RASGRF2: variants seen among roughly 807,000 people sequenced by gnomAD.
The protein encoded by RASGRF2 is Ras protein specific guanine nucleotide releasing factor 2.
RASGRF2 carries 76 observed loss-of-function variants against 151.0 expected under a neutral mutation model. That is an observed-to-expected ratio of 0.50 (90% CI 0.42 to 0.61). The LOEUF is 0.61. Among genes scored for constraint, RASGRF2 ranks in the 20% least tolerant of loss-of-function variants. The probability of loss-of-function intolerance (pLI) is 0.00; values close to 1 mark genes in which losing one functional copy is unlikely to be tolerated. For synonymous variants in RASGRF2, 504 were observed against 566.5 expected (o/e 0.89, Z 1.57); for missense variants, 1,148 against 1,564.6 (o/e 0.73, Z 4.49).
intron 7 of RASGRF2, among the ~76,000 whole-genome samples, chr5:81,082,946 T>C (rs1752127133): frequency 2.0e-5 from 3 of 152,238 alleles, no homozygotes; most frequent in African/African-American, 4.8e-5. Flanking sequence ...AAGGGCCTTA[T>C]GCTCGTTGGT....
In RASGRF2 at chr5:81,207,300, G is replaced by A; in HGVS notation, c.3022G>A (p.Glu1008Lys). 2 of 1,614,144 alleles carry A rather than the reference G, an allele frequency of 1.2e-6. No homozygotes were observed. Among genetic ancestry groups the A allele is most frequent in the South Asian group, 2.2e-5 (2 of 91,084 alleles). The change falls in exon 21 of 27, where the codon GAA becomes AAA. Residue 1008 changes from glutamate to lysine, a missense_variant. By Grantham distance (56) the Glu-to-Lys change is moderately conservative. Coordinates refer to ENST00000265080, the MANE Select transcript of RASGRF2 (RefSeq NM_006909.3). ...GTCCTTGTCGGCCATGGAGCTGGCA[G>A]AACAGATCACCCTCCTGGACCATGT... ...FESLSAMELAEQITLLDHVIF... is the reference protein window; with the variant it reads ...FESLSAMELAKQITLLDHVIF...
Position 81,229,322 on chromosome 5 carries a change from GCA to G in RASGRF2, c.*3555_*3556del, listed in dbSNP as rs1205470462. On this transcript the variant is annotated 3_prime_UTR_variant, in exon 27 of 27. Coordinates refer to ENST00000265080, the MANE Select transcript of RASGRF2 (RefSeq NM_006909.3). ...CTGAAGGGTATAGCCAGGCTAATGT[GCA>G]CAGAGGGAATCAATAAATAAAACTC... 1 of 152,168 alleles carries G rather than the reference GCA, an allele frequency of 6.6e-6. No homozygotes were observed. Among genetic ancestry groups the G allele is most frequent in the Non-Finnish European group, 1.5e-5 (1 of 68,020 alleles). 9.4% of individuals were successfully genotyped at this position (152,168 alleles called of 1,614,324 possible).
At chr5:81,009,155 G>A (rs1340473744) in intron 1 of RASGRF2, among the ~76,000 whole-genome samples, 2 of 152,198 alleles carry the variant, frequency 1.3e-5, no homozygotes, top group Non-Finnish European at 2.9e-5. Flanking sequence ...TCTGTAAAAG[G>A]GGAATAAATT....
intron 2 of RASGRF2, among the ~76,000 whole-genome samples, chr5:81,057,976 A>G (rs1751281864): frequency 6.6e-6 from 1 of 152,128 alleles, no homozygotes; most frequent in Non-Finnish European, 1.5e-5. Flanking sequence ...AGCCTGGGCA[A>G]CAGAAGAAGA....
intron 1 of RASGRF2, among the ~76,000 whole-genome samples, chr5:81,022,420 C>A (rs897244275): frequency 1.3e-5 from 2 of 152,146 alleles, no homozygotes; most frequent in South Asian, 2.1e-4. Context: ...AGGATGTGGT[C>A]CCCACCTCTA....
At chr5:81,018,106 CAA>C (rs70994413) in intron 1 of RASGRF2, among the ~76,000 whole-genome samples, 1 of 136,530 alleles carries the variant, frequency 7.3e-6, no homozygotes. Context: ...GAGACTGTCT[CAA>C]AAAAAAAAGA....
At chr5:80,974,361 A>G (rs937504463) in intron 1 of RASGRF2, among the ~76,000 whole-genome samples, 2 of 152,250 alleles carry the variant, frequency 1.3e-5, no homozygotes, top group Non-Finnish European at 2.9e-5. Flanking sequence ...GTCTGCAAGA[A>G]CATCTATCTG....
chr5:81,054,198 C>T (rs1751120613), intron 2 of RASGRF2, among the ~76,000 whole-genome samples: 1 of 152,188 alleles, frequency 6.6e-6, no homozygotes, highest in South Asian at 2.1e-4. Flanking sequence ...GAAGTCGTTG[C>T]CCGTGCCTGT....
At chr5:81,100,349 A>G (rs948058700) in intron 12 of RASGRF2, among the ~76,000 whole-genome samples, 15 of 152,144 alleles carry the variant, frequency 9.9e-5, no homozygotes, top group African/African-American at 3.4e-4. Context: ...CCAGTTTCCC[A>G]TAAGAAACTC....
chr5:81,210,859 T>C (rs1755614526), intron 22 of RASGRF2, among the ~76,000 whole-genome samples: 1 of 152,118 alleles, frequency 6.6e-6, no homozygotes, highest in Non-Finnish European at 1.5e-5. Context: ...TAAGACTCAA[T>C]GCAAGGCTGG....
At chr5:81,003,088 G>A (rs1000816187) in intron 1 of RASGRF2, among the ~76,000 whole-genome samples, 3 of 151,964 alleles carry the variant, frequency 2.0e-5, no homozygotes, top group East Asian at 1.9e-4. Context: ...AGAAAGTCTC[G>A]CTCTGTTGCC....
rs1184698939 is a variant in RASGRF2, at chr5:81,227,089, A to AT, written c.*1322dup. The AT allele has an allele frequency of 6.6e-6, 1 of 152,186 alleles. No homozygotes were observed. The highest frequency in any genetic ancestry group is 1.5e-5 in the Non-Finnish European group (1 of 68,036). 9.4% of individuals were successfully genotyped at this position (152,186 alleles called of 1,614,324 possible). A position where few individuals can be genotyped will look rare whatever the true frequency, so the allele number is the denominator to read the frequency against. On this transcript the variant is annotated 3_prime_UTR_variant, in exon 27 of 27. Coordinates refer to ENST00000265080, the MANE Select transcript of RASGRF2 (RefSeq NM_006909.3). ...GAAGGAAGAGAAAAAATATAGTTCTATTTCCCTGAACCTGTTGCACCTGAC... is the reference window on the plus strand; with the variant it reads ...GAAGGAAGAGAAAAAATATAGTTCTATTTTCCCTGAACCTGTTGCACCTGAC...
At chr5:81,035,608 T>A (rs995353916) in intron 1 of RASGRF2, among the ~76,000 whole-genome samples, 4 of 150,434 alleles carry the variant, frequency 2.7e-5, no homozygotes, top group Non-Finnish European at 5.9e-5. Context: ...ACTTAAAGTA[T>A]AATTAAAACA....
chr5:81,046,386 G>GA (rs35551649), intron 2 of RASGRF2, among the ~76,000 whole-genome samples: 27 of 148,776 alleles, frequency 1.8e-4, no homozygotes, highest in South Asian at 8.6e-4. Context: ...ATCTGGCCCA[G>GA]AAAAAAAAAA....
intron 1 of RASGRF2, among the ~76,000 whole-genome samples, chr5:81,041,251 G>A (rs1272951061): frequency 6.7e-6 from 1 of 148,674 alleles, no homozygotes; most frequent in East Asian, 2.0e-4. Context: ...GCAATGAGCC[G>A]AGATCACGCC....
At chr5:81,114,709 C>T (rs775868085) in intron 15 of RASGRF2, 5 of 152,420 alleles carry the variant, frequency 3.3e-5, no homozygotes, top group Admixed American at 1.3e-4. Context: ...GTGTCAAAAG[C>T]ATTTTGGTCT....
Position 81,107,505 on chromosome 5 carries a change from G to A in RASGRF2, c.1756-1491G>A, listed in dbSNP as rs191644686. Among the ~76,000 whole-genome samples the A allele has an allele frequency of 1.4e-4, 22 of 152,236 alleles. No individual in the cohort carries two copies. In the Middle Eastern group the frequency reaches 0.01, roughly 71 times the overall value. ...GACTTTCTACTAAACTGTGAATTTCGTAGCTAACACTGAGTCCCTCTTTGA... is the reference window on the plus strand; with the variant it reads ...GACTTTCTACTAAACTGTGAATTTCATAGCTAACACTGAGTCCCTCTTTGA... On this transcript the variant is annotated intron_variant, in intron 12 of 26. Coordinates refer to ENST00000265080, the MANE Select transcript of RASGRF2 (RefSeq NM_006909.3).
At chr5:80,965,150 T>G (rs1747683516) in intron 1 of RASGRF2, among the ~76,000 whole-genome samples, 1 of 152,144 alleles carries the variant, frequency 6.6e-6, no homozygotes, top group Admixed American at 6.5e-5. Flanking sequence ...ACTAGTCATT[T>G]TAGCCTTCCT....
Position 81,123,690 on chromosome 5 carries a change from C to T in RASGRF2, c.2519C>T (p.Pro840Leu). ...GACCGAGCAGGAGTGGAAAGCTCCC[C>T]TGCAGCGGACACCACAGAACTTTCA... ...PADRAGVESS[P>L]AADTTELSPC... is the part of the protein sequence containing the mutation. The change falls in exon 16 of 27, where the codon CCT becomes CTT. Residue 840 changes from proline (P) to leucine (L), a missense_variant. Around this residue, in one of 5 missense-constraint regions of RASGRF2, gnomAD observed 646 missense variants for 807.4 expected, o/e 0.80. Transcript: ENST00000265080. 1 of 1,614,034 alleles carries T rather than the reference C, an allele frequency of 6.2e-7. No individual in the cohort carries two copies. The highest frequency in any genetic ancestry group is 8.5e-7 in the Non-Finnish European group (1 of 1,179,980).
Sources: allele counts gnomAD v4.1 joint callset (sites outside exome capture counted in the v4.1 genomes callset), GRCh38; gene constraint gnomAD v4.1.1; regional missense constraint gnomAD v4.1.1; transcripts MANE v1.5; gene names NCBI Gene and HGNC (gene_info 2026-07-23, HGNC 2026-07-21).